Variants in C8A observed in about 807,000 individuals in gnomAD.
C8A encodes the protein complement C8 alpha chain, also known as complement component C8 alpha chain.
In C8A, 67 loss-of-function variants were observed where a neutral mutation model predicts 65.3. The observed-to-expected ratio is 1.03, with a 90% CI of 0.84 to 1.26. C8A has a LOEUF of 1.26. C8A is among the 50% of genes most tolerant of loss of function. The probability of loss-of-function intolerance (pLI) is 0.00; values close to 1 mark genes in which losing one functional copy is unlikely to be tolerated. For missense variants in C8A, 781 were observed against 723.9 expected (o/e 1.08, Z -0.90); for synonymous variants, 290 against 259.4 (o/e 1.12, Z -1.13).
chr1:56,896,527 A>T (rs1228102752), intron 7 of C8A, among the ~76,000 whole-genome samples: 1 of 152,204 alleles, frequency 6.6e-6, no homozygotes, highest in Non-Finnish European at 1.5e-5. Context: ...GAGGAAGGTC[A>T]GTCTTTTTGT....
At chr1:56,873,177 A>G (rs1644163208) in intron 2 of C8A, among the ~76,000 whole-genome samples, 1 of 152,170 alleles carries the variant, frequency 6.6e-6, no homozygotes, top group Non-Finnish European at 1.5e-5. Context: ...GGTGGGTAAG[A>G]AGAGAAGTGA....
chr1:56,883,557 A>T lies in C8A; in HGVS notation c.731A>T (p.Lys244Met), dbSNP rs780440275. 1 of 1,613,982 alleles carries T rather than the reference A, an allele frequency of 6.2e-7. No individual in the cohort carries two copies. The highest frequency in any genetic ancestry group is 2.2e-5 in the East Asian group (1 of 44,862). Residue 244 changes from lysine to methionine, a missense_variant, in exon 6 of 11, where the codon AAG becomes ATG. Lys to Met is a moderately conservative substitution (Grantham distance 95, BLOSUM62 -1). Transcript: ENST00000361249. The stretch of plus-strand genomic sequence containing the variant: ...CTTCTTTCCAAAGTTAAAAAAGACA[A>T]GTCTGACTCATTTGGAGTGACCATC... Reference protein sequence around the residue: ...NDLLSKVKKDKSDSFGVTIGI... With the variant: ...NDLLSKVKKDMSDSFGVTIGI...
chr1:56,889,531 C>CCTTTTCT (rs1454978836), intron 7 of C8A, among the ~76,000 whole-genome samples: 5 of 152,004 alleles, frequency 3.3e-5, no homozygotes, highest in African/African-American at 1.2e-4. Flanking sequence ...TCTCTCTCTC[C>CCTTTTCT]CTTTTCTCTT....
In C8A at chr1:56,918,019, T is replaced by C; in HGVS notation, c.*303T>C. ...TAGAAAACTGAGAAAACTCAATCCA[T>C]GACCAGGGAGAACTTACAGGATGTT... On this transcript the variant is annotated 3_prime_UTR_variant, in exon 11 of 11. Transcript: ENST00000361249. The C allele has an allele frequency of 3.4e-6, 1 of 292,952 alleles. No individual in the cohort carries two copies. The highest frequency in any genetic ancestry group is 6.5e-6 in the Non-Finnish European group (1 of 154,674). 18.1% of individuals were successfully genotyped at this position (292,952 alleles called of 1,614,324 possible).
chr1:56,881,587 G>A lies in C8A; in HGVS notation c.607G>A (p.Glu203Lys), dbSNP rs750306765. The A allele has an allele frequency of 6.2e-7, 1 of 1,613,746 alleles. No homozygotes were observed. The highest frequency in any genetic ancestry group is 8.5e-7 in the Non-Finnish European group (1 of 1,179,772). The change falls in exon 5 of 11, where the codon GAG (glutamate) becomes AAG (lysine). Residue 203 changes from glutamate (E) to lysine (K), a missense_variant. Physicochemically the swap from Glu to Lys is moderately conservative, Grantham distance 56. Transcript: ENST00000361249. ...TGAACGTCTCTACTATGGAGATGAT[G>A]AGAAATACTTTCGGAAACCCTACAA... ...TCERLYYGDDEKYFRKPYNFL... is the reference protein window; with the variant it reads ...TCERLYYGDDKKYFRKPYNFL...
In C8A at chr1:56,912,637, G is replaced by C. The variant is rs753456636; in HGVS notation, c.1603+12G>C. ...AACACAGACAGAAGGTAAGGTCCGT[G>C]CATCCCCACCCAGTTCCAGCCTGTC... On this transcript the variant is annotated intron_variant, in intron 10 of 10. Coordinates refer to ENST00000361249, the MANE Select transcript of C8A (RefSeq NM_000562.3). 1 of 1,612,116 alleles carries C rather than the reference G, an allele frequency of 6.2e-7. No individual in the cohort carries two copies. The highest frequency in any genetic ancestry group is 8.5e-7 in the Non-Finnish European group (1 of 1,178,604).
At chr1:56,866,176 A>G (rs1317161944) in intron 1 of C8A, among the ~76,000 whole-genome samples, 1 of 152,248 alleles carries the variant, frequency 6.6e-6, no homozygotes, top group Non-Finnish European at 1.5e-5. Flanking sequence ...ATAGATTTCA[A>G]CCAAATCAAT....
intron 5 of C8A, 137 bp downstream of exon 5, chr1:56,881,771 C>T: frequency 1.3e-6 from 1 of 795,242 alleles, no homozygotes; most frequent in East Asian, 2.6e-5. Flanking sequence ...TCCTTCATAC[C>T]CATCCCCACA....
intron 8 of C8A, 86 bp downstream of exon 8, chr1:56,906,878 C>T: frequency 6.5e-7 from 1 of 1,533,774 alleles, no homozygotes; most frequent in Non-Finnish European, 9.0e-7. Flanking sequence ...ATTTTTTTTC[C>T]CAGTTGATTG....
In C8A at chr1:56,901,462, C is replaced by T. The variant is rs908888118; in HGVS notation, c.1097-5205C>T. ...GGTGTGAGGGTGGCTCTCCCACCTG[C>T]GCCACAACCAAGACCATGTGGGAAA... On this transcript the variant is annotated intron_variant, in intron 7 of 10. Coordinates refer to ENST00000361249, the MANE Select transcript of C8A (RefSeq NM_000562.3). 7.9e-5 allele frequency among the ~76,000 whole-genome samples: 12 copies of T among 152,126 alleles called. No individual in the cohort carries two copies. In the East Asian group the frequency reaches 9.8e-4, roughly 12 times the overall value.
chr1:56,916,652 C>A (rs1212947603), intron 10 of C8A, among the ~76,000 whole-genome samples: 3 of 152,174 alleles, frequency 2.0e-5, no homozygotes, highest in African/African-American at 7.2e-5. Context: ...TCAAATAGAG[C>A]AGCTCCACTT....
At chr1:56,870,272 T>C (rs553481170) in intron 2 of C8A, among the ~76,000 whole-genome samples, 3 of 152,064 alleles carry the variant, frequency 2.0e-5, no homozygotes, top group African/African-American at 7.2e-5. Flanking sequence ...TGTTACTAGG[T>C]TGGTGCAAAA....
At chr1:56,859,855 G>A (rs187517232) in intron 1 of C8A, among the ~76,000 whole-genome samples, 4 of 152,006 alleles carry the variant, frequency 2.6e-5, no homozygotes, top group Non-Finnish European at 5.9e-5. Flanking sequence ...TGAGCTCAGG[G>A]GTTCGAGACC....
At chr1:56,868,733 A>G (rs1172639675) in intron 2 of C8A, among the ~76,000 whole-genome samples, 1 of 152,186 alleles carries the variant, frequency 6.6e-6, no homozygotes, top group Non-Finnish European at 1.5e-5. Flanking sequence ...CCCACTCGGC[A>G]TACCACTCAC....
intron 7 of C8A, among the ~76,000 whole-genome samples, chr1:56,886,862 C>T (rs993693695): frequency 2.0e-5 from 3 of 152,260 alleles, no homozygotes; most frequent in Admixed American, 6.5e-5. Context: ...CCTAGGAGAA[C>T]GGTGGTTCTC....
At chr1:56,876,305 G>T in intron 4 of C8A, 96 bp downstream of exon 4, 1 of 1,482,622 alleles carries the variant, frequency 6.7e-7, no homozygotes. Flanking sequence ...ATTTTGGAGG[G>T]TTCCTCTGGA....
intron 8 of C8A, among the ~76,000 whole-genome samples, chr1:56,907,259 A>T (rs1028677319): frequency 6.6e-6 from 1 of 152,182 alleles, no homozygotes; most frequent in Non-Finnish European, 1.5e-5. Context: ...TCATTTACTC[A>T]TCCATTCATC....
chr1:56,886,139 G>C lies in C8A; in HGVS notation c.1068G>C (p.Val356=), dbSNP rs200084020. ...GTGGCATTTATGAATATATCCTGGT[G>C]ATTGACAAAGCAAAAATGGAATCCC... is the stretch of plus-strand genomic sequence containing the variant. ...SMGGIYEYIL[V]IDKAKMESLG... Residue 356 remains valine, a synonymous_variant, in exon 7 of 11, where the codon GTG becomes GTC. Transcript: ENST00000361249. 1 of 1,614,000 alleles carries C rather than the reference G, an allele frequency of 6.2e-7. No homozygotes were observed. Among genetic ancestry groups the C allele is most frequent in the East Asian group, 2.2e-5 (1 of 44,854 alleles).
In C8A at chr1:56,912,415, C is replaced by T. The variant is rs1483234568; in HGVS notation, c.1393C>T (p.His465Tyr). The T allele has an allele frequency of 6.2e-7, 1 of 1,614,168 alleles. No homozygotes were observed. The highest frequency in any genetic ancestry group is 1.7e-5 in the Admixed American group (1 of 60,032). The change falls in exon 10 of 11, where the codon CAC becomes TAC. Residue 465 changes from histidine to tyrosine, a missense_variant. His to Tyr is a moderately conservative substitution (Grantham distance 83, BLOSUM62 2). Coordinates refer to ENST00000361249, the MANE Select transcript of C8A (RefSeq NM_000562.3). Reference sequence around the variant, plus strand: ...TCTGTGCCCACAGATGCAGCCTATCCACGAGGTGCTGCGGCACACAAGCCT... The same window carrying T: ...TCTGTGCCCACAGATGCAGCCTATCTACGAGGTGCTGCGGCACACAAGCCT... ...VVIDFEMQPI[H>Y]EVLRHTSLGP... is the part of the protein sequence containing the mutation.
Sources: allele counts gnomAD v4.1 joint callset (sites outside exome capture counted in the v4.1 genomes callset), GRCh38; gene constraint gnomAD v4.1.1; transcripts MANE v1.5; gene names NCBI Gene and HGNC (gene_info 2026-07-23, HGNC 2026-07-21).